MTRF1: variants seen among roughly 807,000 people sequenced by gnomAD.
MTRF1 encodes the protein mitochondrial translation release factor 1.
In MTRF1, 51 loss-of-function variants were observed where a neutral mutation model predicts 62.9. That is an observed-to-expected ratio of 0.81 (90% CI 0.65 to 1.02). The LOEUF is 1.02. MTRF1 is among the 50% of genes least tolerant of loss of function. The pLI, the probability that MTRF1 is intolerant of heterozygous loss-of-function variation, is 0.00. For missense variants in MTRF1, 446 were observed against 530.0 expected (o/e 0.84, Z 1.56); for synonymous variants, 158 against 181.9 (o/e 0.87, Z 1.06).
chr13:41,225,808 TA>T (rs11368326), intron 8 of MTRF1, among the ~76,000 whole-genome samples: 66,680 of 120,976 alleles, frequency 0.55, 17,404 homozygotes, highest in South Asian at 0.61. Flanking sequence ...ACTCTGTCAT[TA>T]AAAAAAAAAA....
chr13:41,311,393 A>G, the MTRF1 span: 3 of 801,984 alleles, frequency 3.7e-6, no homozygotes, highest in Non-Finnish European at 4.0e-6. Flanking sequence ...CCCAATTGCA[A>G]CTGTAGACCA....
At chr13:41,229,071 A>G (rs777056331) in intron 7 of MTRF1, 5 of 152,242 alleles carry the variant, frequency 3.3e-5, no homozygotes, top group African/African-American at 4.8e-5. Flanking sequence ...TTGCTTGCCT[A>G]AAGGGAAGGT....
the MTRF1 span, among the ~76,000 whole-genome samples, chr13:41,310,434 G>A: frequency 6.6e-6 from 1 of 152,188 alleles, no homozygotes; most frequent in Non-Finnish European, 1.5e-5. Context: ...ACTTTCGGAG[G>A]TTGACGCGGG....
At chr13:41,295,222 A>G in the MTRF1 span, among the ~76,000 whole-genome samples, 2 of 152,110 alleles carry the variant, frequency 1.3e-5, no homozygotes, top group Non-Finnish European at 2.9e-5. Context: ...GAAATGTTTT[A>G]TCTTGAAGGT....
Position 41,226,506 on chromosome 13 carries a change from C to A in MTRF1, c.1051G>T (p.Val351Leu). The change falls in exon 8 of 10, where the codon GTG becomes TTG. Residue 351 changes from valine to leucine, a missense_variant. Transcript: ENST00000379480. ...TGCTGGTAGAGTCTAGCTCTCAACA[C>A]ACGAAAGGCTATTTCTTTATTTTTT... ...QIKNKEIAFRVLRARLYQQII... is the reference protein window; with the variant it reads ...QIKNKEIAFRLLRARLYQQII... 1 of 1,614,000 alleles carries A rather than the reference C, an allele frequency of 6.2e-7. No homozygotes were observed. Among genetic ancestry groups the A allele is most frequent in the Non-Finnish European group, 8.5e-7 (1 of 1,179,958 alleles).
chr13:41,223,603 C>G (rs921313086), intron 8 of MTRF1, among the ~76,000 whole-genome samples: 2 of 152,152 alleles, frequency 1.3e-5, no homozygotes, highest in African/African-American at 4.8e-5. Flanking sequence ...TCAAATTAAT[C>G]ATCTTTCCAC....
intron 2 of MTRF1, among the ~76,000 whole-genome samples, chr13:41,259,013 AAAGAT>A (rs761452974): frequency 4.6e-5 from 7 of 152,226 alleles, no homozygotes; most frequent in Non-Finnish European, 8.8e-5. Flanking sequence ...AAGCACCAGA[AAAGAT>A]GCTCAACATC....
the MTRF1 span, among the ~76,000 whole-genome samples, chr13:41,309,394 G>T: frequency 6.7e-6 from 1 of 148,344 alleles, no homozygotes; most frequent in Non-Finnish European, 1.5e-5. Flanking sequence ...TTGCCATGTT[G>T]CCCCGGCTGG....
At chr13:41,300,280 T>C in the MTRF1 span, among the ~76,000 whole-genome samples, 1 of 152,160 alleles carries the variant, frequency 6.6e-6, no homozygotes, top group Admixed American at 6.6e-5. Flanking sequence ...ACAAGTGGTT[T>C]AAACATTTCT....
At chr13:41,255,752 T>C (rs2039627954) in intron 2 of MTRF1, among the ~76,000 whole-genome samples, 1 of 152,168 alleles carries the variant, frequency 6.6e-6, no homozygotes, top group African/African-American at 2.4e-5. Context: ...TAACCTGTCC[T>C]GTATGGAGAA....
the MTRF1 span, among the ~76,000 whole-genome samples, chr13:41,269,199 G>GTTTTTTTTTTTTTTTTTTTTTTTTGT: frequency 1.5e-4 from 10 of 68,730 alleles, no homozygotes; most frequent in South Asian, 5.1e-4. Context: ...TTTTTTTTTG[G>GTTTTTTTTTTTTTTTTTTTTTTTTGT]TTTTTTTTTT....
intron 9 of MTRF1, among the ~76,000 whole-genome samples, chr13:41,219,732 C>T (rs898685715): frequency 2.0e-5 from 3 of 152,140 alleles, no homozygotes; most frequent in Admixed American, 6.5e-5. Context: ...GGTGTGGTGG[C>T]TCACGCCTCT....
chr13:41,237,587 C>T (rs1463961881), intron 6 of MTRF1, among the ~76,000 whole-genome samples: 1 of 152,176 alleles, frequency 6.6e-6, no homozygotes, highest in Non-Finnish European at 1.5e-5. Context: ...ACCTCCGCCT[C>T]ATGGGCTCAA....
chr13:41,218,281 ATTTTTTTTT>A (rs199717534), intron 9 of MTRF1, among the ~76,000 whole-genome samples: 20 of 117,826 alleles, frequency 1.7e-4, no homozygotes, highest in East Asian at 8.5e-4. Flanking sequence ...CACCCAGCTA[ATTTTTTTTT>A]TTTTTTTTTT....
the MTRF1 span, among the ~76,000 whole-genome samples, chr13:41,297,065 A>G: frequency 6.6e-6 from 1 of 152,186 alleles, no homozygotes; most frequent in Non-Finnish European, 1.5e-5. Context: ...GGACTAAATA[A>G]AAACTCCCAG....
chr13:41,245,168 T>C (rs761416493), intron 5 of MTRF1, among the ~76,000 whole-genome samples: 15 of 152,222 alleles, frequency 9.9e-5, no homozygotes, highest in Non-Finnish European at 2.2e-4. Flanking sequence ...AAAATGATTT[T>C]TCTTTGCTTT....
intron 9 of MTRF1, among the ~76,000 whole-genome samples, chr13:41,221,402 C>A (rs1390087139): frequency 6.6e-6 from 1 of 152,084 alleles, no homozygotes; most frequent in Non-Finnish European, 1.5e-5. Context: ...TCGTGATCTG[C>A]CCACCTCGGC....
chr13:41,231,697 G>C (rs1261913748), intron 7 of MTRF1, among the ~76,000 whole-genome samples: 1 of 152,060 alleles, frequency 6.6e-6, no homozygotes, highest in African/African-American at 2.4e-5. Context: ...TCAGAATCTG[G>C]CTCTTAAATA....
intron 2 of MTRF1, among the ~76,000 whole-genome samples, chr13:41,259,680 C>T (rs1233997902): frequency 6.1e-5 from 2 of 32,684 alleles, no homozygotes; most frequent in African/African-American, 1.0e-4. Flanking sequence ...CCAGCCTGGG[C>T]GACAGAGCGA....
Sources: gnomAD v4.1 joint callset for allele counts (sites outside exome capture counted in the v4.1 genomes callset) on GRCh38, gnomAD v4.1.1 for gene constraint, MANE v1.5 for transcripts, NCBI Gene and HGNC (gene_info 2026-07-23, HGNC 2026-07-21) for gene names.